The following MFN1 variants were observed in gnomAD, a reference collection of about 807,000 sequenced individuals.
The protein encoded by MFN1 is mitofusin 1.
MFN1 carries 65 observed loss-of-function variants against 92.4 expected under a neutral mutation model. The ratio of observed to expected loss-of-function variants is 0.70; its 90% CI spans 0.58 to 0.86. The LOEUF (loss-of-function observed/expected upper bound fraction) is 0.86. Ranked by LOEUF, MFN1 falls within the 40% of genes least tolerant of loss-of-function variation. The probability of loss-of-function intolerance (pLI) is 0.00; values close to 1 mark genes in which losing one functional copy is unlikely to be tolerated. For synonymous variants in MFN1, 297 were observed against 300.9 expected (o/e 0.99, Z 0.13); for missense variants, 781 against 868.0 (o/e 0.90, Z 1.26).
chr3:179,357,879 G>A (rs1171284421), intron 3 of MFN1, among the ~76,000 whole-genome samples: 1 of 152,160 alleles, frequency 6.6e-6, no homozygotes, highest in African/African-American at 2.4e-5. Flanking sequence ...GAAGATTGGG[G>A]TGGCTCAACA....
Position 179,394,418 on chromosome 3 carries a change from T to TTC in MFN1, c.*2360_*2361insCT, listed in dbSNP as rs1392776266. 1 of 136,642 alleles carries TTC rather than the reference T, an allele frequency of 7.3e-6. No individual in the cohort carries two copies. Among genetic ancestry groups the TTC allele is most frequent in the African/African-American group, 3.0e-5 (1 of 33,478 alleles). The allele number at this position is 136,642 out of a possible 1,614,324, so 8.5% of individuals were successfully genotyped here. On this transcript the variant is annotated 3_prime_UTR_variant, in exon 18 of 18. Transcript: ENST00000471841. The stretch of plus-strand genomic sequence containing the variant: ...AATAACGAAAGCCAACTTTTTTTTT[T>TTC]TTTTTTTTTTTTTTTGAGACGGAGT...
chr3:179,383,548 A>T (rs1434635160), intron 14 of MFN1, among the ~76,000 whole-genome samples: 1 of 152,210 alleles, frequency 6.6e-6, no homozygotes, highest in African/African-American at 2.4e-5. Flanking sequence ...TGACTTGGCA[A>T]TGCGGGCTCT....
intron 16 of MFN1, among the ~76,000 whole-genome samples, chr3:179,387,094 T>C (rs779649404): frequency 6.6e-5 from 10 of 152,114 alleles, no homozygotes; most frequent in Non-Finnish European, 1.5e-4. Flanking sequence ...TTTTTAATTT[T>C]TTTTTTTTCT....
At chr3:179,381,565 G>A (rs1434064061) in intron 14 of MFN1, among the ~76,000 whole-genome samples, 2 of 152,154 alleles carry the variant, frequency 1.3e-5, no homozygotes, top group Admixed American at 1.3e-4. Flanking sequence ...AAGTTCCTTT[G>A]TGTGAATCCG....
At position 179,358,974 on chromosome 3, in the gene MFN1, A is replaced by G. The variant is rs770979081; in HGVS notation, c.383A>G (p.Glu128Gly). The G allele has an allele frequency of 3.7e-6, 6 of 1,613,924 alleles. No individual in the cohort carries two copies. In the South Asian group the frequency reaches 4.4e-5, roughly 12 times the overall value. The change falls in exon 4 of 18, where the codon GAA becomes GGA. Residue 128 changes from glutamate (E) to glycine (G), a missense_variant. Coordinates refer to ENST00000471841, the MANE Select transcript of MFN1 (RefSeq NM_033540.3). ...GGAGATAAAGCCTATCTTATGACAG[A>G]AGGATCAGATGAAAAAAAGAGTGTG... ...TDGDKAYLMT[E>G]GSDEKKSVKT...
intron 3 of MFN1, 50 bp downstream of exon 3, chr3:179,352,085 T>C: frequency 1.3e-6 from 2 of 1,522,100 alleles, no homozygotes; most frequent in Non-Finnish European, 1.8e-6. Flanking sequence ...ATCAGCTTTG[T>C]GTCTGATGTT....
Position 179,367,572 on chromosome 3 carries a change from C to T in MFN1, c.887C>T (p.Ala296Val), listed in dbSNP as rs1436848566. The T allele has an allele frequency of 1.2e-6, 2 of 1,611,100 alleles. No individual in the cohort carries two copies. Among genetic ancestry groups the T allele is most frequent in the Non-Finnish European group, 1.7e-6 (2 of 1,179,098 alleles). The change falls in exon 8 of 18, where the codon GCA (alanine) becomes GTA (valine). Residue 296 changes from alanine to valine, a missense_variant. By Grantham distance (64) the Ala-to-Val change is moderately conservative (BLOSUM62 0). Transcript: ENST00000471841. ...GTTCTTAGTGCTAGAAAGCAAAAAG[C>T]ACAGGGGATGCCAGAAAGTGGTATG... ...KEVLSARKQK[A>V]QGMPESGVAL...
At chr3:179,353,424 T>G (rs1305989915) in intron 3 of MFN1, among the ~76,000 whole-genome samples, 1 of 151,830 alleles carries the variant, frequency 6.6e-6, no homozygotes, top group Non-Finnish European at 1.5e-5. Flanking sequence ...GCCAGGCTGG[T>G]CTCAAACTCC....
chr3:179,353,654 G>T (rs959153494), intron 3 of MFN1, among the ~76,000 whole-genome samples: 2 of 152,184 alleles, frequency 1.3e-5, no homozygotes, highest in African/African-American at 4.8e-5. Flanking sequence ...GTACATTGGT[G>T]TAACAGTCCA....
intron 3 of MFN1, among the ~76,000 whole-genome samples, chr3:179,358,162 T>C (rs1398285742): frequency 1.3e-5 from 2 of 149,460 alleles, no homozygotes; most frequent in African/African-American, 5.0e-5. Flanking sequence ...TTTTTTTTTT[T>C]TTTTTTGAGA....
At chr3:179,370,895 CTT>C (rs1560195541) in intron 9 of MFN1, among the ~76,000 whole-genome samples, 3 of 152,120 alleles carry the variant, frequency 2.0e-5, no homozygotes, top group African/African-American at 7.2e-5. Context: ...CAATATAAGA[CTT>C]TTTAAAATTC....
At chr3:179,352,107 T>C (rs1402294130) in intron 3 of MFN1, 72 bp downstream of exon 3, 3 of 1,449,662 alleles carry the variant, frequency 2.1e-6, no homozygotes, top group Non-Finnish European at 2.8e-6. Flanking sequence ...CAACAAGTAA[T>C]ATTTCTCCCA....
chr3:179,357,545 C>T (rs1712391755), intron 3 of MFN1, among the ~76,000 whole-genome samples: 1 of 152,050 alleles, frequency 6.6e-6, no homozygotes, highest in African/African-American at 2.4e-5. Flanking sequence ...AAGTTCTTTC[C>T]CTCTTATGCT....
intron 9 of MFN1, among the ~76,000 whole-genome samples, chr3:179,374,572 A>G (rs1713164328): frequency 6.6e-6 from 1 of 152,002 alleles, no homozygotes; most frequent in South Asian, 2.1e-4. Context: ...GCTTGAAGAT[A>G]AATGAGATAG....
chr3:179,364,093 C>T (rs1712689316), intron 5 of MFN1, among the ~76,000 whole-genome samples: 1 of 152,028 alleles, frequency 6.6e-6, no homozygotes, highest in Admixed American at 6.6e-5. Context: ...CCATCTAAAG[C>T]ATAAACATTA....
At chr3:179,367,079 C>T (rs1712823355) in intron 7 of MFN1, among the ~76,000 whole-genome samples, 2 of 152,188 alleles carry the variant, frequency 1.3e-5, no homozygotes, top group Admixed American at 6.5e-5. Flanking sequence ...CGGCACCTGC[C>T]ACCACACCCA....
At chr3:179,368,000 A>G (rs370351918) in intron 8 of MFN1, 36 bp from the exon 9 acceptor site, 27 of 1,419,042 alleles carry the variant, frequency 1.9e-5, no homozygotes, top group Non-Finnish European at 2.4e-5. Context: ...ATCTTGCTAC[A>G]TACTAGGTTT....
Position 179,385,610 on chromosome 3 carries a change from T to G in MFN1, c.1704T>G (p.Thr568=), listed in dbSNP as rs774634075. 2.5e-6 allele frequency: 4 copies of G among 1,613,442 alleles called. No homozygotes were observed. The highest frequency in any genetic ancestry group is 3.4e-6 in the Non-Finnish European group (4 of 1,179,886). The change falls in exon 15 of 18, where the codon ACT becomes ACG. Residue 568 remains threonine (T), a synonymous_variant. Coordinates refer to ENST00000471841, the MANE Select transcript of MFN1 (RefSeq NM_033540.3). ...CTTCTACTCCCACTGCTCCTACCAC[T>G]CCAGCAACGCCAGATAATGCATCAC... ...SLASTPTAPT[T]PATPDNASQE...
chr3:179,392,024 A>T lies in MFN1; in HGVS notation c.2191A>T (p.Lys731Ter). 1 of 1,611,850 alleles carries T rather than the reference A, an allele frequency of 6.2e-7. No individual in the cohort carries two copies. The highest frequency in any genetic ancestry group is 1.3e-5 in the African/African-American group (1 of 75,002). Residue 731 changes from lysine to a stop codon, truncating the protein, a stop_gained, in exon 18 of 18, where the codon AAG (lysine) becomes TAG (stop). Coordinates refer to ENST00000471841, the MANE Select transcript of MFN1 (RefSeq NM_033540.3). LOFTEE classifies it high-confidence loss of function. ...TGAAAATGAGCTGGAGAATTTTACT[A>T]AGCAGTTTCTACCTTCAAGCAATGA... ...QLENELENFTKQFLPSSNEES is the reference protein window; with the variant it reads ...QLENELENFT
Sources: allele counts gnomAD v4.1 joint callset (sites outside exome capture counted in the v4.1 genomes callset), GRCh38; gene constraint gnomAD v4.1.1; transcripts MANE v1.5; gene names NCBI Gene and HGNC (gene_info 2026-07-23, HGNC 2026-07-21).